SLC10A7: variants seen among roughly 807,000 people sequenced by gnomAD.
SLC10A7 encodes the protein sodium/bile acid cotransporter 7.
In SLC10A7, 29 loss-of-function variants were observed where a neutral mutation model predicts 43.2. The observed-to-expected ratio is 0.67, with a 90% confidence interval of 0.50 to 0.92. The LOEUF is 0.92. Ranked by LOEUF, SLC10A7 falls within the 40% of genes least tolerant of loss-of-function variation. The pLI is 0.00. For synonymous variants in SLC10A7, 152 were observed against 144.8 expected, an observed-to-expected ratio of 1.05 and a Z score of -0.35; for missense variants, 295 against 403.2, an observed-to-expected ratio of 0.73 and a Z score of 2.30.
intron 10 of SLC10A7, among the ~76,000 whole-genome samples, chr4:146,267,225 G>T (rs1476925930): frequency 2.0e-5 from 3 of 152,150 alleles, no homozygotes; most frequent in African/African-American, 7.2e-5. Flanking sequence ...CAAAAGAAAG[G>T]CCACCTCCTT....
chr4:146,507,788 G>A (rs962500129), intron 3 of SLC10A7, among the ~76,000 whole-genome samples: 6 of 152,132 alleles, frequency 3.9e-5, no homozygotes, highest in Non-Finnish European at 8.8e-5. Flanking sequence ...ACATGATTAT[G>A]CAATCCCTTC....
chr4:146,350,663 C>A (rs1236146424), intron 5 of SLC10A7, among the ~76,000 whole-genome samples: 4 of 108,470 alleles, frequency 3.7e-5, no homozygotes, highest in Non-Finnish European at 5.4e-5. Flanking sequence ...CAGTGGTTCT[C>A]CCAGCACGCA....
chr4:146,448,425 G>T (rs1308480272), intron 4 of SLC10A7, among the ~76,000 whole-genome samples: 2 of 151,934 alleles, frequency 1.3e-5, no homozygotes, highest in Non-Finnish European at 2.9e-5. Flanking sequence ...ACATAAATAT[G>T]TCTCATCCCT....
intron 5 of SLC10A7, among the ~76,000 whole-genome samples, chr4:146,332,487 G>A (rs1014789522): frequency 2.0e-5 from 3 of 152,172 alleles, no homozygotes; most frequent in African/African-American, 7.2e-5. Context: ...ATGATAGTTA[G>A]TTCTTGTGAG....
At chr4:146,427,164 T>C (rs939474399) in intron 5 of SLC10A7, among the ~76,000 whole-genome samples, 2 of 151,970 alleles carry the variant, frequency 1.3e-5, no homozygotes, top group African/African-American at 4.8e-5. Flanking sequence ...ACCCTGTCTC[T>C]ATAAAAAATT....
rs191969732 is a variant in SLC10A7 at position 146,304,998 on chromosome 4, A to G, written c.555+928T>C. ...GGTGGGACTGTAAACTAGTTCAACCATTGTGGAAGTCAGTGTGGCGATTCC... is the reference window on the plus strand; with the variant it reads ...GGTGGGACTGTAAACTAGTTCAACCGTTGTGGAAGTCAGTGTGGCGATTCC... On this transcript the variant is annotated intron_variant, in intron 7 of 11. Transcript: ENST00000335472. Among the ~76,000 whole-genome samples the G allele has an allele frequency of 3.0e-3, 454 of 151,962 alleles. 1 individual carries two copies. The highest frequency in any genetic ancestry group is 0.01 in the Middle Eastern group (3 of 292).
intron 5 of SLC10A7, among the ~76,000 whole-genome samples, chr4:146,418,909 T>C (rs1165297698): frequency 2.0e-5 from 3 of 152,168 alleles, no homozygotes; most frequent in African/African-American, 7.2e-5. Flanking sequence ...CCCCTCCTCA[T>C]GTTTGATTAA....
chr4:146,452,599 T>G (rs960466656), intron 4 of SLC10A7, among the ~76,000 whole-genome samples: 3 of 152,092 alleles, frequency 2.0e-5, no homozygotes, highest in African/African-American at 7.2e-5. Flanking sequence ...GTTTTACTAT[T>G]GACTACTTAA....
chr4:146,309,055 G>A (rs552654945), intron 6 of SLC10A7, among the ~76,000 whole-genome samples: 21 of 152,164 alleles, frequency 1.4e-4, no homozygotes, highest in African/African-American at 4.6e-4. Context: ...CCTGTCCATC[G>A]CCAAGTATGC....
intron 9 of SLC10A7, among the ~76,000 whole-genome samples, chr4:146,288,812 C>A (rs1349420733): frequency 6.6e-6 from 1 of 152,134 alleles, no homozygotes; most frequent in Non-Finnish European, 1.5e-5. Flanking sequence ...TTCTTTTTAT[C>A]CTGTTTTTAA....
intron 5 of SLC10A7, among the ~76,000 whole-genome samples, chr4:146,426,703 G>A (rs1165987186): frequency 4.6e-5 from 7 of 151,980 alleles, no homozygotes; most frequent in Admixed American, 2.6e-4. Flanking sequence ...GTGAAACCCC[G>A]TCTCTATTAA....
intron 10 of SLC10A7, among the ~76,000 whole-genome samples, chr4:146,266,686 C>T (rs980872768): frequency 6.6e-6 from 1 of 152,062 alleles, no homozygotes; most frequent in African/African-American, 2.4e-5. Context: ...GTTTTTCAAG[C>T]AGGGATTTAT....
At chr4:146,303,703 A>C (rs1731323502) in intron 7 of SLC10A7, among the ~76,000 whole-genome samples, 1 of 152,202 alleles carries the variant, frequency 6.6e-6, no homozygotes. Context: ...TTTATATTCA[A>C]TATTTCAAAG....
intron 5 of SLC10A7, among the ~76,000 whole-genome samples, chr4:146,345,031 C>T (rs972849119): frequency 2.6e-5 from 4 of 152,120 alleles, no homozygotes; most frequent in African/African-American, 9.7e-5. Flanking sequence ...AGTCAATATG[C>T]TTTCCTCTAA....
rs112804922 is a variant in SLC10A7 at position 146,502,105 on chromosome 4, A to T, written c.396+1744T>A. Among the ~76,000 whole-genome samples the T allele has an allele frequency of 2.7e-3, 416 of 152,372 alleles. 4 individuals are homozygous for T. Among genetic ancestry groups the T allele is most frequent in the African/African-American group, 9.8e-3 (407 of 41,582 alleles). Reference sequence around the variant, plus strand: ...AAAAAATGAGCAAGAGAGCTAATAGACATTTCACTAAAGAAGACATATGAA... The same window carrying T: ...AAAAAATGAGCAAGAGAGCTAATAGTCATTTCACTAAAGAAGACATATGAA... On this transcript the variant is annotated intron_variant, in intron 4 of 11. Coordinates refer to ENST00000335472, the MANE Select transcript of SLC10A7 (RefSeq NM_001029998.6).
chr4:146,428,409 T>G (rs957464507), intron 5 of SLC10A7, among the ~76,000 whole-genome samples: 6 of 152,194 alleles, frequency 3.9e-5, no homozygotes, highest in African/African-American at 1.4e-4. Flanking sequence ...CAAAGCAATA[T>G]TCTGAATTAT....
chr4:146,397,765 T>C (rs1464624394), intron 5 of SLC10A7, among the ~76,000 whole-genome samples: 1 of 152,152 alleles, frequency 6.6e-6, no homozygotes, highest in Non-Finnish European at 1.5e-5. Flanking sequence ...GCCCAAGTAG[T>C]CCTTGTACAG....
chr4:146,369,495 T>A (rs1226866963), intron 5 of SLC10A7, among the ~76,000 whole-genome samples: 3 of 152,180 alleles, frequency 2.0e-5, no homozygotes, highest in Non-Finnish European at 2.9e-5. Flanking sequence ...ATAAAACAGA[T>A]GGATTATCTC....
At chr4:146,463,848 A>C (rs1368331292) in intron 4 of SLC10A7, among the ~76,000 whole-genome samples, 1 of 150,166 alleles carries the variant, frequency 6.7e-6, no homozygotes, top group Non-Finnish European at 1.5e-5. Context: ...TTTTGAGACA[A>C]AGTCTCACCC....
Sources: gnomAD v4.1 joint callset for allele counts (sites outside exome capture counted in the v4.1 genomes callset) on GRCh38, gnomAD v4.1.1 for gene constraint, MANE v1.5 for transcripts, NCBI Gene and HGNC (gene_info 2026-07-23, HGNC 2026-07-21) for gene names.